PTPRQ: variants seen among roughly 807,000 people sequenced by gnomAD.
The protein encoded by PTPRQ is phosphatidylinositol phosphatase PTPRQ.
PTPRQ carries 199 observed loss-of-function variants against 246.0 expected under a neutral mutation model. That is an observed-to-expected ratio of 0.81 (90% CI 0.72 to 0.91). PTPRQ has a LOEUF of 0.91. PTPRQ is among the 40% of genes least tolerant of loss of function. The pLI, the probability that PTPRQ is intolerant of heterozygous loss-of-function variation, is 0.00. For synonymous variants in PTPRQ, 869 were observed against 853.2 expected (o/e 1.02, Z -0.32); for missense variants, 2,624 against 2,528.4 (o/e 1.04, Z -0.81).
chr12:80,608,764 C>T (rs1035546668), intron 27 of PTPRQ, among the ~76,000 whole-genome samples: 3 of 150,316 alleles, frequency 2.0e-5, no homozygotes, highest in African/African-American at 7.3e-5. Flanking sequence ...AGACAAGTGA[C>T]ATGAACCAGT....
rs867729334 is a variant in PTPRQ, at chr12:80,650,868, A to C, written c.6024+1199A>C. On this transcript the variant is annotated intron_variant, in intron 37 of 44. Transcript: ENST00000644991. The stretch of plus-strand genomic sequence containing the variant: ...GAAAGTTTCTAGTTTAAGTTTTTTG[A>C]AGACCATAGTTTGAAGAACTTTTTA... Among the ~76,000 whole-genome samples, 5 of 152,172 alleles carry C rather than the reference A, an allele frequency of 3.3e-5. No homozygotes were observed. In the South Asian group the frequency reaches 6.2e-4, roughly 19 times the overall value.
intron 39 of PTPRQ, among the ~76,000 whole-genome samples, chr12:80,666,932 T>A (rs996612459): frequency 1.3e-5 from 2 of 151,990 alleles, no homozygotes; most frequent in African/African-American, 2.4e-5. Flanking sequence ...CTCTAACTAT[T>A]CTCCCTCCTT....
chr12:80,566,226 C>T (rs912411771), intron 25 of PTPRQ, among the ~76,000 whole-genome samples: 10 of 152,002 alleles, frequency 6.6e-5, no homozygotes, highest in Non-Finnish European at 2.9e-5. Flanking sequence ...GCCTGTAATC[C>T]CAGCACTTTG....
At chr12:80,552,647 A>ATC (rs1429715397) in intron 25 of PTPRQ, among the ~76,000 whole-genome samples, 2 of 3,702 alleles carry the variant, frequency 5.4e-4, no homozygotes, top group African/African-American at 1.3e-3. Context: ...AAAAAAAATT[A>ATC]TATATATATA....
At chr12:80,597,193 C>G (rs1177283733) in intron 26 of PTPRQ, among the ~76,000 whole-genome samples, 1 of 151,884 alleles carries the variant, frequency 6.6e-6, no homozygotes, top group Non-Finnish European at 1.5e-5. Flanking sequence ...TTTCATTTTT[C>G]TTTAATGATA....
intron 3 of PTPRQ, chr12:80,454,700 C>T: frequency 1.8e-6 from 1 of 550,996 alleles, no homozygotes; most frequent in Non-Finnish European, 3.2e-6. Context: ...TTATTAAATG[C>T]TTTTCCTGCA....
At chr12:80,516,823 G>A (rs528185686) in intron 17 of PTPRQ, among the ~76,000 whole-genome samples, 1 of 152,300 alleles carries the variant, frequency 6.6e-6, no homozygotes, top group South Asian at 2.1e-4. Context: ...AGTGAAAGTG[G>A]TAAAGATAGA....
At chr12:80,614,333 A>G (rs1235077245) in intron 29 of PTPRQ, among the ~76,000 whole-genome samples, 1 of 150,802 alleles carries the variant, frequency 6.6e-6, no homozygotes, top group Non-Finnish European at 1.5e-5. Context: ...GCATGAGTTC[A>G]TATACATACA....
intron 3 of PTPRQ, among the ~76,000 whole-genome samples, chr12:80,455,147 T>A (rs12582357): frequency 0.096 from 14,684 of 152,212 alleles, 1,502 homozygotes; most frequent in African/African-American, 0.25. Flanking sequence ...CACTCCAGCC[T>A]GGACAACAAG....
At position 80,648,762 on chromosome 12, in the gene PTPRQ, G is replaced by T; in HGVS notation, c.5916-135G>T. ...AAAAATAAATAAAATTTAAAATAATGATCATATATTAGTTAAAGGCATAGC... is the reference window on the plus strand; with the variant it reads ...AAAAATAAATAAAATTTAAAATAATTATCATATATTAGTTAAAGGCATAGC... On this transcript the variant is annotated intron_variant, in intron 35 of 44. Coordinates refer to ENST00000644991, the MANE Select transcript of PTPRQ (RefSeq NM_001145026.2). 5.0e-6 allele frequency: 3 copies of T among 599,810 alleles called. No individual in the cohort carries two copies. In the South Asian group the frequency reaches 1.9e-4, roughly 38 times the overall value. 37.2% of individuals were successfully genotyped at this position (599,810 alleles called of 1,614,324 possible).
At chr12:80,669,211 CTA>C in intron 40 of PTPRQ, 70 bp downstream of exon 40, 1 of 1,530,398 alleles carries the variant, frequency 6.5e-7, no homozygotes, top group Non-Finnish European at 8.8e-7. Flanking sequence ...AATATTTCAT[CTA>C]ATACTGTGAG....
intron 26 of PTPRQ, among the ~76,000 whole-genome samples, chr12:80,598,107 G>T (rs1385180481): frequency 1.3e-5 from 2 of 151,814 alleles, no homozygotes; most frequent in Non-Finnish European, 2.9e-5. Flanking sequence ...ATACAGTGAG[G>T]TCTAATACTA....
intron 42 of PTPRQ, 76 bp downstream of exon 42, chr12:80,670,568 A>G (rs2121285465): frequency 1.4e-6 from 2 of 1,401,146 alleles, no homozygotes; most frequent in Non-Finnish European, 1.9e-6. Flanking sequence ...TATTTTTTAT[A>G]AAATGTTCAT....
In PTPRQ at chr12:80,506,692, G is replaced by A. The variant is rs756123850; in HGVS notation, c.2557+22G>A. 57 of 1,523,956 alleles carry A rather than the reference G, an allele frequency of 3.7e-5. No homozygotes were observed. The South Asian group carries it at 3.8e-4, about 10-fold the overall frequency. 94.4% of individuals were successfully genotyped at this position (1,523,956 alleles called of 1,614,324 possible). A position where few individuals can be genotyped will look rare whatever the true frequency, so the allele number is the denominator to read the frequency against. ...GATGGTAAATATAATAGTGGATATT[G>A]ATATACTTTGATTCTATAACATTCC... On this transcript the variant is annotated intron_variant, in intron 16 of 44. Transcript: ENST00000644991.
At chr12:80,667,112 T>C (rs1289544254) in intron 39 of PTPRQ, among the ~76,000 whole-genome samples, 1 of 152,034 alleles carries the variant, frequency 6.6e-6, no homozygotes, top group Non-Finnish European at 1.5e-5. Flanking sequence ...CTGCTTTTTC[T>C]AGCCATTATC....
intron 9 of PTPRQ, among the ~76,000 whole-genome samples, chr12:80,492,081 T>C (rs981192554): frequency 6.6e-6 from 1 of 151,930 alleles, no homozygotes; most frequent in African/African-American, 2.4e-5. Flanking sequence ...CAAAACTGTT[T>C]GATTTTGGAA....
intron 9 of PTPRQ, 37 bp downstream of exon 9, chr12:80,484,642 T>C: frequency 6.5e-7 from 1 of 1,541,664 alleles, no homozygotes; most frequent in Non-Finnish European, 8.7e-7. Context: ...GTGAACCCTT[T>C]CTGCTTGGTT....
Position 80,542,181 on chromosome 12 carries a change from G to A in PTPRQ, c.3538G>A (p.Ala1180Thr). Residue 1180 changes from alanine (A) to threonine (T), a missense_variant, in exon 22 of 45, where the codon GCA becomes ACA. Ala to Thr is a moderately conservative substitution (Grantham distance 58). Transcript: ENST00000644991. ...GGATCCCCCAGTAAAGCCAAATGGT[G>A]CAATAATAAGTTATGATTTAACTTT... ...SWDPPVKPNGAIISYDLTLQG... is the reference protein window; with the variant it reads ...SWDPPVKPNGTIISYDLTLQG... The A allele has an allele frequency of 1.9e-6, 3 of 1,550,988 alleles. No individual in the cohort carries two copies. Among genetic ancestry groups the A allele is most frequent in the South Asian group, 1.2e-5 (1 of 84,012 alleles).
intron 29 of PTPRQ, 115 bp from the exon 30 acceptor site, chr12:80,616,085 A>G (rs185088161): frequency 0.014 from 7,494 of 523,498 alleles, 82 homozygotes; most frequent in Non-Finnish European, 0.017. Flanking sequence ...AGTTTTATAT[A>G]TATATATATA....
Sources: allele counts gnomAD v4.1 joint callset (sites outside exome capture counted in the v4.1 genomes callset), GRCh38; gene constraint gnomAD v4.1.1; transcripts MANE v1.5; gene names NCBI Gene and HGNC (gene_info 2026-07-23, HGNC 2026-07-21).